The following PREX2 variants were observed in gnomAD, a reference collection of about 807,000 sequenced individuals.
The protein encoded by PREX2 is phosphatidylinositol 3,4,5-trisphosphate-dependent Rac exchanger 2 protein.
Under a neutral mutation model 203.2 loss-of-function variants are expected in PREX2, and 107 were observed. That is an observed-to-expected ratio of 0.53 (90% CI 0.45 to 0.62). The LOEUF (loss-of-function observed/expected upper bound fraction) is 0.62. Ranked by LOEUF, PREX2 falls within the 20% of genes least tolerant of loss-of-function variation. The probability of loss-of-function intolerance (pLI) is 0.00; values close to 1 mark genes in which losing one functional copy is unlikely to be tolerated. For missense variants in PREX2, 1,777 were observed against 1,955.9 expected (o/e 0.91, Z 1.72); for synonymous variants, 672 against 663.6 (o/e 1.01, Z -0.19).
rs1160484645 is a variant in PREX2 at position 68,072,513 on chromosome 8, A to T, written c.1512A>T (p.Leu504Phe). Residue 504 changes from leucine (L) to phenylalanine (F), a missense_variant, in exon 14 of 40, where the codon TTA (leucine) becomes TTT (phenylalanine). By Grantham distance (22) the Leu-to-Phe change is conservative. Coordinates refer to ENST00000288368, the MANE Select transcript of PREX2 (RefSeq NM_024870.4). ...TPVIRDKDYH[L>F]RTYKSVVMAN... ...TTTATAGAGATAAAGATTACCATTT[A>T]AGGACCTACAAATCTGTGGTCATGG... The T allele has an allele frequency of 6.3e-7, 1 of 1,587,048 alleles. No homozygotes were observed. Among genetic ancestry groups the T allele is most frequent in the Non-Finnish European group, 8.6e-7 (1 of 1,156,364 alleles).
chr8:68,096,381 T>G (rs1337525801), intron 21 of PREX2, among the ~76,000 whole-genome samples: 1 of 152,200 alleles, frequency 6.6e-6, no homozygotes, highest in African/African-American at 2.4e-5. Flanking sequence ...TAATTACTAT[T>G]AGGTTTCCCA....
intron 1 of PREX2, among the ~76,000 whole-genome samples, chr8:68,007,494 T>G (rs1005830794): frequency 1.3e-5 from 2 of 152,262 alleles, no homozygotes; most frequent in African/African-American, 4.8e-5. Flanking sequence ...AAGGTCTTCC[T>G]TCAGAAGTTT....
intron 35 of PREX2, among the ~76,000 whole-genome samples, chr8:68,164,554 TG>T (rs1332733767): frequency 6.6e-6 from 1 of 151,166 alleles, no homozygotes; most frequent in African/African-American, 2.4e-5. Flanking sequence ...GCTGGTGATC[TG>T]GCTTTTTTTT....
intron 7 of PREX2, 106 bp from the exon 8 acceptor site, chr8:68,044,381 C>T (rs913230018): frequency 1.3e-5 from 9 of 719,216 alleles, no homozygotes; most frequent in African/African-American, 1.2e-4. Flanking sequence ...TTGATATTGT[C>T]GATTGAATTG....
At chr8:68,227,903 C>T (rs539592307) in intron 39 of PREX2, among the ~76,000 whole-genome samples, 1 of 152,328 alleles carries the variant, frequency 6.6e-6, no homozygotes, top group South Asian at 2.1e-4. Flanking sequence ...GTGCATTTTG[C>T]ATTCTCCCCT....
intron 15 of PREX2, among the ~76,000 whole-genome samples, chr8:68,079,229 A>C (rs774217719): frequency 2.0e-5 from 3 of 152,204 alleles, no homozygotes; most frequent in Admixed American, 1.3e-4. Flanking sequence ...TTGTTTTTCA[A>C]ATTTGTGGTT....
intron 31 of PREX2, among the ~76,000 whole-genome samples, chr8:68,133,739 A>G (rs1392270857): frequency 6.6e-6 from 1 of 152,238 alleles, no homozygotes; most frequent in East Asian, 1.9e-4. Flanking sequence ...GTGTCCCATC[A>G]GGTATAGAAA....
intron 34 of PREX2, among the ~76,000 whole-genome samples, chr8:68,151,443 C>T (rs1811431984): frequency 6.6e-6 from 1 of 152,050 alleles, no homozygotes; most frequent in African/African-American, 2.4e-5. Context: ...AAAATAAGGC[C>T]ACATTTGTAG....
At chr8:67,989,675 A>G (rs1806541635) in intron 1 of PREX2, among the ~76,000 whole-genome samples, 1 of 152,208 alleles carries the variant, frequency 6.6e-6, no homozygotes, top group African/African-American at 2.4e-5. Context: ...AGTATTACGT[A>G]AAAATAGCTT....
intron 13 of PREX2, 53 bp downstream of exon 13, chr8:68,069,937 G>A (rs1013387112): frequency 2.5e-5 from 25 of 1,000,120 alleles, no homozygotes; most frequent in Admixed American, 3.8e-5. Context: ...TTTGTACTAT[G>A]TTTTAGGTAA....
intron 1 of PREX2, among the ~76,000 whole-genome samples, chr8:67,959,169 T>G (rs1313019563): frequency 1.3e-5 from 2 of 152,124 alleles, no homozygotes; most frequent in East Asian, 3.9e-4. Flanking sequence ...AACAAAGAAC[T>G]AGGAGAAGTT....
At chr8:68,183,970 A>G (rs1407972722) in intron 35 of PREX2, among the ~76,000 whole-genome samples, 4 of 152,210 alleles carry the variant, frequency 2.6e-5, no homozygotes, top group Non-Finnish European at 5.9e-5. Context: ...CAGTTCAATG[A>G]CAACTGTGAC....
At chr8:68,115,999 A>C in intron 26 of PREX2, 67 bp downstream of exon 26, 1 of 1,400,122 alleles carries the variant, frequency 7.1e-7, no homozygotes, top group Non-Finnish European at 9.6e-7. Context: ...TTTTCCACAA[A>C]GATCTTGAAA....
At chr8:68,113,329 A>T (rs1255333972) in intron 25 of PREX2, among the ~76,000 whole-genome samples, 2 of 152,240 alleles carry the variant, frequency 1.3e-5, no homozygotes, top group Non-Finnish European at 2.9e-5. Context: ...CTAATTTAAA[A>T]GATACATAAG....
At chr8:68,186,184 A>G (rs184252634) in intron 35 of PREX2, among the ~76,000 whole-genome samples, 28 of 152,340 alleles carry the variant, frequency 1.8e-4, no homozygotes, top group African/African-American at 6.7e-4. Flanking sequence ...CCTCAAGTAT[A>G]AATTCTTATT....
intron 35 of PREX2, among the ~76,000 whole-genome samples, chr8:68,158,635 AG>A (rs1348172927): frequency 2.6e-5 from 4 of 152,160 alleles, no homozygotes. Context: ...CTTTATGTTA[AG>A]TTACAGCTAC....
In PREX2 at chr8:68,109,415, G is replaced by C. The variant is rs1810487817; in HGVS notation, c.2939-1G>C. 39 of 1,610,746 alleles carry C rather than the reference G, an allele frequency of 2.4e-5. No individual in the cohort carries two copies. Among genetic ancestry groups the C allele is most frequent in the Non-Finnish European group, 3.3e-5 (39 of 1,178,388 alleles). ...ACTAAGGAATGACTTTAATTCCTCA[G>C]GGAAACTGAGCCCTATGGTGTACAT... On this transcript the variant is annotated splice_acceptor_variant, in intron 24 of 39. Transcript: ENST00000288368. LOFTEE classifies it high-confidence loss of function.
chr8:68,107,417 G>T (rs1311751303), intron 23 of PREX2, among the ~76,000 whole-genome samples: 1 of 152,144 alleles, frequency 6.6e-6, no homozygotes, highest in African/African-American at 2.4e-5. Context: ...AGATGCATTT[G>T]AATGGAAACC....
intron 34 of PREX2, among the ~76,000 whole-genome samples, chr8:68,154,750 C>T (rs1222783088): frequency 6.6e-6 from 1 of 152,168 alleles, no homozygotes; most frequent in Non-Finnish European, 1.5e-5. Flanking sequence ...AATGAACTTG[C>T]AATAGGCAGA....
Sources: gnomAD v4.1 joint callset for allele counts (sites outside exome capture counted in the v4.1 genomes callset) on GRCh38, gnomAD v4.1.1 for gene constraint, MANE v1.5 for transcripts, NCBI Gene and HGNC (gene_info 2026-07-23, HGNC 2026-07-21) for gene names.